AGBL1: variants seen among roughly 807,000 people sequenced by gnomAD.
The protein encoded by AGBL1 is cytosolic carboxypeptidase 4.
A neutral mutation model predicts 118.9 loss-of-function variants in AGBL1; 130 were observed. The ratio of observed to expected loss-of-function variants is 1.09; its 90% CI spans 0.95 to 1.26. The LOEUF is 1.26. AGBL1 is among the 50% of genes most tolerant of loss of function. The pLI is 0.00. For synonymous variants in AGBL1, 555 were observed against 478.9 expected (o/e 1.16, Z -2.08); for missense variants, 1,584 against 1,298.1 (o/e 1.22, Z -3.38).
chr15:86,445,859 G>A (rs2082114216), intron 18 of AGBL1, among the ~76,000 whole-genome samples: 1 of 152,200 alleles, frequency 6.6e-6, no homozygotes, highest in Non-Finnish European at 1.5e-5. Flanking sequence ...GTGATGCATT[G>A]GGGCCGTGTA....
At chr15:86,732,930 G>GAT (rs896822725) in intron 22 of AGBL1, among the ~76,000 whole-genome samples, 2 of 149,154 alleles carry the variant, frequency 1.3e-5, no homozygotes, top group African/African-American at 4.9e-5. Flanking sequence ...TAGATTTGTA[G>GAT]ATATATATAT....
chr15:86,210,123 A>G (rs2078066350), intron 5 of AGBL1, among the ~76,000 whole-genome samples: 1 of 152,144 alleles, frequency 6.6e-6, no homozygotes, highest in South Asian at 2.1e-4. Context: ...TCTTTTCTTT[A>G]AGAATGTTGA....
chr15:86,310,864 G>T (rs942215669), intron 17 of AGBL1, among the ~76,000 whole-genome samples: 3 of 152,112 alleles, frequency 2.0e-5, no homozygotes, highest in Non-Finnish European at 2.9e-5. Context: ...ACGTATGTGA[G>T]GATTTGCTTA....
At chr15:86,647,046 G>T (rs2085291286) in intron 21 of AGBL1, among the ~76,000 whole-genome samples, 1 of 151,930 alleles carries the variant, frequency 6.6e-6, no homozygotes, top group African/African-American at 2.4e-5. Context: ...TCACATAAAA[G>T]ACTAACATTT....
intron 22 of AGBL1, among the ~76,000 whole-genome samples, chr15:86,815,392 C>A (rs1239660958): frequency 6.6e-6 from 1 of 152,114 alleles, no homozygotes; most frequent in Non-Finnish European, 1.5e-5. Flanking sequence ...GTGTTCTGCT[C>A]TGCAAAACAT....
chr15:86,806,628 A>C (rs1596499291), intron 22 of AGBL1, among the ~76,000 whole-genome samples: 1 of 152,066 alleles, frequency 6.6e-6, no homozygotes, highest in Non-Finnish European at 1.5e-5. Flanking sequence ...TCCCTTCCTA[A>C]TCTGTAAAAT....
At chr15:86,177,579 C>T (rs1225026193) in intron 5 of AGBL1, among the ~76,000 whole-genome samples, 3 of 152,056 alleles carry the variant, frequency 2.0e-5, no homozygotes, top group South Asian at 2.1e-4. Context: ...TATAAGAATT[C>T]AAATGATATT....
At chr15:86,501,831 C>G (rs1452626434) in intron 18 of AGBL1, among the ~76,000 whole-genome samples, 2 of 151,584 alleles carry the variant, frequency 1.3e-5, no homozygotes, top group Non-Finnish European at 3.0e-5. Context: ...CAGTATCATA[C>G]TGCTCTGATA....
At chr15:86,291,656 A>C (rs1245727256) in intron 16 of AGBL1, among the ~76,000 whole-genome samples, 1 of 152,226 alleles carries the variant, frequency 6.6e-6, no homozygotes, top group South Asian at 2.1e-4. Flanking sequence ...TTATGTGGTC[A>C]TGAGAGATTA....
At chr15:86,454,323 T>C (rs1197048173) in intron 18 of AGBL1, among the ~76,000 whole-genome samples, 2 of 152,150 alleles carry the variant, frequency 1.3e-5, no homozygotes, top group African/African-American at 4.8e-5. Flanking sequence ...ACGTGGCCAG[T>C]TGGGGTGAAC....
At chr15:86,464,624 A>G (rs973079209) in intron 18 of AGBL1, among the ~76,000 whole-genome samples, 4 of 152,130 alleles carry the variant, frequency 2.6e-5, no homozygotes, top group Non-Finnish European at 4.4e-5. Context: ...ATCAATACCT[A>G]GTTTATTGAG....
intron 23 of AGBL1, among the ~76,000 whole-genome samples, chr15:86,982,899 ATCTT>A (rs1246002383): frequency 6.6e-6 from 1 of 152,180 alleles, no homozygotes; most frequent in Non-Finnish European, 1.5e-5. Flanking sequence ...GGCACCCCTC[ATCTT>A]CATGCTGTTC....
At chr15:86,845,285 G>A (rs984041076) in intron 22 of AGBL1, among the ~76,000 whole-genome samples, 1 of 152,058 alleles carries the variant, frequency 6.6e-6, no homozygotes, top group Non-Finnish European at 1.5e-5. Context: ...ACATGAATAA[G>A]GGTGGTTAAT....
In AGBL1 at chr15:86,158,696, G is replaced by T. The variant is rs76323686; in HGVS notation, c.395-237G>T. Among the ~76,000 whole-genome samples the T allele has an allele frequency of 4.9e-4, 74 of 152,310 alleles. No homozygotes were observed. In the East Asian group the frequency reaches 0.011, roughly 23 times the overall value. On this transcript the variant is annotated intron_variant, in intron 4 of 22. Coordinates refer to ENST00000614907, the MANE Select transcript of AGBL1 (RefSeq NM_001386094.1). ...AACTTCCCAGTCTAGTTACTGCTGA[G>T]CAGGAAGAACTGATTCTTCATTTGA... is the stretch of plus-strand genomic sequence containing the variant.
intron 6 of AGBL1, among the ~76,000 whole-genome samples, chr15:86,230,233 G>T (rs1287910327): frequency 6.6e-6 from 1 of 152,192 alleles, no homozygotes; most frequent in African/African-American, 2.4e-5. Flanking sequence ...CATAGTCTCA[G>T]GAGTCGTCTG....
intron 5 of AGBL1, among the ~76,000 whole-genome samples, chr15:86,201,519 AACACTGTG>A (rs1479526606): frequency 6.6e-6 from 1 of 152,186 alleles, no homozygotes; most frequent in Non-Finnish European, 1.5e-5. Context: ...GTTATCACAA[AACACTGTG>A]ACTCAATGGG....
chr15:86,465,460 A>G (rs1475565719), intron 18 of AGBL1, among the ~76,000 whole-genome samples: 2 of 152,238 alleles, frequency 1.3e-5, no homozygotes, highest in Non-Finnish European at 2.9e-5. Flanking sequence ...AAGGGAGATA[A>G]CCATAAATTC....
intron 22 of AGBL1, among the ~76,000 whole-genome samples, chr15:86,888,545 A>T (rs1430608227): frequency 6.6e-6 from 1 of 152,150 alleles, no homozygotes; most frequent in Non-Finnish European, 1.5e-5. Flanking sequence ...ATGGTAACCA[A>T]CGAAGATCTA....
chr15:86,622,193 G>T (rs2084817547), intron 21 of AGBL1, among the ~76,000 whole-genome samples: 1 of 151,986 alleles, frequency 6.6e-6, no homozygotes, highest in Admixed American at 6.6e-5. Flanking sequence ...AGCTAAGCGT[G>T]GTGCTGGGCA....
Sources: allele counts gnomAD v4.1 joint callset (sites outside exome capture counted in the v4.1 genomes callset), GRCh38; gene constraint gnomAD v4.1.1; transcripts MANE v1.5; gene names NCBI Gene and HGNC (gene_info 2026-07-23, HGNC 2026-07-21).